Variants in NRXN1 observed in about 807,000 individuals in gnomAD.
NRXN1 encodes neurexin 1.
In NRXN1, 39 loss-of-function variants were observed where a neutral mutation model predicts 150.9. The observed-to-expected ratio is 0.26, with a 90% CI of 0.20 to 0.34. The LOEUF is 0.34. NRXN1 is among the 10% of genes least tolerant of loss of function. NRXN1 has a pLI of 1.00. For synonymous variants in NRXN1, 924 were observed against 757.0 expected (o/e 1.22, Z -3.62); for missense variants, 1,815 against 1,949.9 (o/e 0.93, Z 1.30).
intron 18 of NRXN1, among the ~76,000 whole-genome samples, chr2:50,174,377 AT>A (rs1323771543): frequency 6.6e-6 from 1 of 152,206 alleles, no homozygotes. Flanking sequence ...ATTTAAAAAA[AT>A]AAAAGATCCA....
intron 5 of NRXN1, among the ~76,000 whole-genome samples, chr2:50,868,173 A>G (rs1447956090): frequency 6.7e-5 from 6 of 88,950 alleles, no homozygotes; most frequent in African/African-American, 1.9e-4. Context: ...ATATATATAT[A>G]TATATATATA....
intron 17 of NRXN1, among the ~76,000 whole-genome samples, chr2:50,436,896 T>C (rs2085495522): frequency 1.3e-5 from 2 of 152,210 alleles, no homozygotes; most frequent in African/African-American, 4.8e-5. Flanking sequence ...ATGCTTATAC[T>C]AGATTATTCC....
In NRXN1 at chr2:50,996,551, C is replaced by T. The variant is rs1699310932; in HGVS notation, c.772+30951G>A. Among the ~76,000 whole-genome samples, 6 of 152,036 alleles carry T rather than the reference C, an allele frequency of 3.9e-5. No homozygotes were observed. In the South Asian group the frequency reaches 1.2e-3, roughly 32 times the overall value. Reference sequence around the variant, plus strand: ...ATAGAAAGGAGCCCTGGAATGAAACCCAGAAATCTTGAGTTGACATCCCAG... The same window carrying T: ...ATAGAAAGGAGCCCTGGAATGAAACTCAGAAATCTTGAGTTGACATCCCAG... On this transcript the variant is annotated intron_variant, in intron 2 of 22. Transcript: ENST00000401669.
chr2:50,847,432 G>C (rs1673823819), intron 5 of NRXN1, among the ~76,000 whole-genome samples: 1 of 152,060 alleles, frequency 6.6e-6, no homozygotes, highest in African/African-American at 2.4e-5. Context: ...ATACTGGAGT[G>C]CTGGGAAGGG....
rs2088009462 is a variant in NRXN1, at chr2:50,460,074, A to T, written c.3364+5368T>A. Among the ~76,000 whole-genome samples, 3 of 152,140 alleles carry T rather than the reference A, an allele frequency of 2.0e-5. No individual in the cohort carries two copies. In the South Asian group the frequency reaches 6.2e-4, roughly 31 times the overall value. ...TGTCTTTCCTTGAGAATAGTTAGTC[A>T]AGGTGACTAGCAAAACCTCCTCTGA... On this transcript the variant is annotated intron_variant, in intron 17 of 22. Coordinates refer to ENST00000401669, the MANE Select transcript of NRXN1 (RefSeq NM_001330078.2).
chr2:50,957,552 T>A (rs748529669), intron 2 of NRXN1, among the ~76,000 whole-genome samples: 14 of 152,114 alleles, frequency 9.2e-5, no homozygotes, highest in Non-Finnish European at 1.9e-4. Context: ...TGACAAATCC[T>A]TAAAGAAATA....
rs1223929752 is a variant in NRXN1 at position 50,105,898 on chromosome 2, A to G, written c.3547-14404T>C. The stretch of plus-strand genomic sequence containing the variant: ...AGAACCATATAAACCACCATTAACT[A>G]TTCCTTTTATCATAATAATAAAAAT... On this transcript the variant is annotated intron_variant, in intron 18 of 22. Coordinates refer to ENST00000401669, the MANE Select transcript of NRXN1 (RefSeq NM_001330078.2). 2.0e-5 allele frequency among the ~76,000 whole-genome samples: 3 copies of G among 151,862 alleles called. 1 individual carries two copies. The highest frequency in any genetic ancestry group is 7.2e-5 in the African/African-American group (3 of 41,408).
intron 5 of NRXN1, among the ~76,000 whole-genome samples, chr2:50,872,226 C>G (rs116000365): frequency 1.2e-3 from 176 of 151,778 alleles, no homozygotes; most frequent in Non-Finnish European, 1.6e-3. Context: ...ACGGAACTTA[C>G]GATTTTGTGG....
intron 5 of NRXN1, among the ~76,000 whole-genome samples, chr2:50,847,498 G>C (rs1673836649): frequency 6.6e-6 from 1 of 152,130 alleles, no homozygotes; most frequent in Admixed American, 6.5e-5. Context: ...GCTGGGTAGA[G>C]AAAGGCCAGT....
intron 19 of NRXN1, among the ~76,000 whole-genome samples, chr2:50,080,113 T>C (rs933216291): frequency 6.6e-6 from 1 of 152,076 alleles, no homozygotes; most frequent in South Asian, 2.1e-4. Context: ...CCACGTTATA[T>C]AGTCGGTTAG....
intron 2 of NRXN1, among the ~76,000 whole-genome samples, chr2:50,958,440 C>T (rs1349201142): frequency 6.6e-6 from 1 of 152,052 alleles, no homozygotes; most frequent in Admixed American, 6.6e-5. Context: ...TACCTAGGAA[C>T]ATGTCTTTAC....
At chr2:50,635,144 G>C (rs766885421) in intron 5 of NRXN1, among the ~76,000 whole-genome samples, 1 of 151,588 alleles carries the variant, frequency 6.6e-6, no homozygotes, top group East Asian at 1.9e-4. Context: ...ACCGAATGTT[G>C]CTGGTACAGA....
At chr2:50,106,741 G>A (rs1701698254) in intron 18 of NRXN1, among the ~76,000 whole-genome samples, 1 of 151,166 alleles carries the variant, frequency 6.6e-6, no homozygotes, top group African/African-American at 2.4e-5. Flanking sequence ...GTTATTTTAT[G>A]CAAAAAAAAC....
intron 17 of NRXN1, among the ~76,000 whole-genome samples, chr2:50,282,818 A>G (rs532001366): frequency 1.3e-5 from 2 of 152,140 alleles, no homozygotes; most frequent in Non-Finnish European, 2.9e-5. Flanking sequence ...TGAGTAGTCG[A>G]GGCAAACAGA....
At chr2:50,887,373 T>G (rs1167937083) in intron 5 of NRXN1, among the ~76,000 whole-genome samples, 1 of 151,480 alleles carries the variant, frequency 6.6e-6, no homozygotes, top group Non-Finnish European at 1.5e-5. Context: ...TATTTAATAC[T>G]GTTTCATTGA....
chr2:50,963,170 T>C (rs1289556214), intron 2 of NRXN1, among the ~76,000 whole-genome samples: 1 of 151,692 alleles, frequency 6.6e-6, no homozygotes. Flanking sequence ...ATTGCCTCAT[T>C]AATCTGCCCA....
At chr2:50,002,967 T>C (rs1573344038) in intron 21 of NRXN1, among the ~76,000 whole-genome samples, 2 of 152,100 alleles carry the variant, frequency 1.3e-5, no homozygotes, top group East Asian at 3.9e-4. Flanking sequence ...TCTAGGCAAC[T>C]CTTAAAAAGC....
At chr2:49,968,775 G>A (rs964213736) in intron 21 of NRXN1, among the ~76,000 whole-genome samples, 17 of 151,996 alleles carry the variant, frequency 1.1e-4, no homozygotes, top group African/African-American at 3.1e-4. Context: ...ATATTGACAA[G>A]ACAATGAGCA....
At chr2:50,996,495 T>A (rs1699302508) in intron 2 of NRXN1, among the ~76,000 whole-genome samples, 1 of 152,072 alleles carries the variant, frequency 6.6e-6, no homozygotes, top group Non-Finnish European at 1.5e-5. Flanking sequence ...ATTTCTCACA[T>A]ATTTAATTAG....
Sources: gnomAD v4.1 joint callset for allele counts (sites outside exome capture counted in the v4.1 genomes callset) on GRCh38, gnomAD v4.1.1 for gene constraint, MANE v1.5 for transcripts, NCBI Gene and HGNC (gene_info 2026-07-23, HGNC 2026-07-21) for gene names.